Variants in MRPL39 observed in about 807,000 individuals in gnomAD.
MRPL39 encodes the protein large ribosomal subunit protein mL39.
Under a neutral mutation model 44.5 loss-of-function variants are expected in MRPL39, and 35 were observed. The observed-to-expected ratio is 0.79, with a 90% CI of 0.60 to 1.04. The LOEUF (loss-of-function observed/expected upper bound fraction) is 1.04, where lower values mean the gene tolerates loss of function less well. Ranked by LOEUF, MRPL39 falls within the 50% of genes least tolerant of loss-of-function variation. The pLI, the probability that MRPL39 is intolerant of heterozygous loss-of-function variation, is 0.00. For synonymous variants in MRPL39, 139 were observed against 136.1 expected (o/e 1.02, Z -0.15); for missense variants, 433 against 413.5 (o/e 1.05, Z -0.41).
At chr21:25,593,825 T>C (rs1047461790) in intron 7 of MRPL39, 68 bp downstream of exon 7, 3 of 1,357,484 alleles carry the variant, frequency 2.2e-6, no homozygotes, top group Non-Finnish European at 3.1e-6. Flanking sequence ...GGTCATATGC[T>C]TCATTCAGAT....
At chr21:25,607,805 C>T (rs994921111), upstream of MRPL39, among the ~76,000 whole-genome samples, 3 of 149,506 alleles carry the variant, frequency 2.0e-5, no homozygotes, top group African/African-American at 7.3e-5. Flanking sequence ...TTCAGCCCTC[C>T]GCGGGTTCGA....
intron 8 of MRPL39, among the ~76,000 whole-genome samples, chr21:25,591,539 G>A (rs566569467): frequency 1.3e-5 from 2 of 152,174 alleles, no homozygotes; most frequent in African/African-American, 4.8e-5. Context: ...CACCAATGAA[G>A]ATATACAGAT....
At chr21:25,607,583 C>CAA, upstream of MRPL39, 1 of 1,124,692 alleles carries the variant, frequency 8.9e-7, no homozygotes, top group Non-Finnish European at 1.3e-6. Flanking sequence ...ACCCAGCACT[C>CAA]AGACTGCTCG....
At chr21:25,597,493 A>G (rs2031396640) in intron 5 of MRPL39, 79 bp from the exon 6 acceptor site, 3 of 760,346 alleles carry the variant, frequency 3.9e-6, no homozygotes, top group Admixed American at 6.0e-5. Context: ...ACAAAACTCT[A>G]TGCTTAGTAC....
chr21:25,606,791 G>A (rs1205949569), intron 1 of MRPL39, 136 bp from the exon 2 acceptor site: 2 of 651,406 alleles, frequency 3.1e-6, no homozygotes, highest in African/African-American at 1.8e-5. Flanking sequence ...GCCCAGATAC[G>A]TGCCTCTACT....
intron 8 of MRPL39, 115 bp downstream of exon 8, chr21:25,592,697 T>C (rs1021533147): frequency 1.4e-6 from 1 of 720,176 alleles, no homozygotes; most frequent in Admixed American, 3.7e-5. Context: ...AAAATATTAG[T>C]GTCACATAAC....
intron 3 of MRPL39, among the ~76,000 whole-genome samples, chr21:25,602,323 AG>A (rs2031546218): frequency 6.6e-6 from 1 of 152,256 alleles, no homozygotes; most frequent in East Asian, 1.9e-4. Context: ...TTCCTAAATC[AG>A]TAACCTTGGT....
intron 6 of MRPL39, among the ~76,000 whole-genome samples, chr21:25,596,128 T>C (rs2031350007): frequency 6.6e-6 from 1 of 151,778 alleles, no homozygotes; most frequent in South Asian, 2.1e-4. Context: ...AGACGGAGTC[T>C]CGCTCTTTCG....
At chr21:25,588,206 G>A (rs1208737106) in intron 9 of MRPL39, among the ~76,000 whole-genome samples, 2 of 152,102 alleles carry the variant, frequency 1.3e-5, no homozygotes, top group Admixed American at 1.3e-4. Flanking sequence ...CAGCTACTTG[G>A]GAGGCTGAGG....
At chr21:25,601,504 A>G (rs1568865449) in intron 3 of MRPL39, 37 bp from the exon 4 acceptor site, 1 of 1,327,182 alleles carries the variant, frequency 7.5e-7, no homozygotes. Context: ...ATATATATAA[A>G]CACACTGAGA....
chr21:25,607,345 C>A (rs1200993509), intron 1 of MRPL39, 58 bp downstream of exon 1: 3 of 1,599,306 alleles, frequency 1.9e-6, no homozygotes, highest in Admixed American at 3.3e-5. Context: ...CAGACCCAAT[C>A]TAGACAGACA....
chr21:25,600,533 T>C (rs1283975240), intron 4 of MRPL39, among the ~76,000 whole-genome samples: 1 of 151,230 alleles, frequency 6.6e-6, no homozygotes, highest in Non-Finnish European at 1.5e-5. Context: ...TTAGAATCAT[T>C]TCTTGAGCTT....
intron 8 of MRPL39, 47 bp from the exon 9 acceptor site, chr21:25,588,929 A>G (rs747301013): frequency 1.8e-5 from 27 of 1,498,658 alleles, no homozygotes; most frequent in Non-Finnish European, 2.4e-5. Flanking sequence ...CAGTAATGTC[A>G]AAGTAAAAAG....
chr21:25,598,817 C>A (rs1165555483), intron 5 of MRPL39, among the ~76,000 whole-genome samples: 1 of 146,268 alleles, frequency 6.8e-6, no homozygotes, highest in East Asian at 2.0e-4. Flanking sequence ...TTAAGAACCA[C>A]TACAGTATTT....
chr21:25,590,212 G>T (rs768749599), intron 8 of MRPL39, among the ~76,000 whole-genome samples: 1 of 152,080 alleles, frequency 6.6e-6, no homozygotes, highest in Admixed American at 6.6e-5. Flanking sequence ...AAGGACTTGC[G>T]GATGGATGGG....
chr21:25,607,540 C>T, upstream of MRPL39: 1 of 1,539,576 alleles, frequency 6.5e-7, no homozygotes, highest in Non-Finnish European at 8.8e-7. Context: ...ACCGAACGCG[C>T]ACTCGGAGTT....
chr21:25,603,631 C>G (rs1467877771), intron 3 of MRPL39, among the ~76,000 whole-genome samples, 165 bp downstream of exon 3: 2 of 152,112 alleles, frequency 1.3e-5, no homozygotes, highest in Admixed American at 1.3e-4. Context: ...CTGATAAGTT[C>G]TGAACTACAA....
intron 8 of MRPL39, among the ~76,000 whole-genome samples, chr21:25,592,123 G>T (rs1280873163): frequency 6.6e-6 from 1 of 152,176 alleles, no homozygotes; most frequent in Non-Finnish European, 1.5e-5. Flanking sequence ...CAAAATTATA[G>T]AAAAGGAAAA....
chr21:25,587,988 T>C (rs1367120887), intron 9 of MRPL39, among the ~76,000 whole-genome samples: 1 of 151,946 alleles, frequency 6.6e-6, no homozygotes, highest in South Asian at 2.1e-4. Flanking sequence ...GCCTATGAAA[T>C]AGGAAACAGG....
Sources: gnomAD v4.1 joint callset for allele counts (sites outside exome capture counted in the v4.1 genomes callset) on GRCh38, gnomAD v4.1.1 for gene constraint, MANE v1.5 for transcripts, NCBI Gene and HGNC (gene_info 2026-07-23, HGNC 2026-07-21) for gene names.